GPATCH2: variants seen among roughly 807,000 people sequenced by gnomAD.
GPATCH2 encodes the protein G-patch domain containing 2, also known as G patch domain-containing protein 2.
GPATCH2 carries 51 observed loss-of-function variants against 58.0 expected under a neutral mutation model. The observed-to-expected ratio is 0.88, with a 90% confidence interval of 0.70 to 1.11. The LOEUF (loss-of-function observed/expected upper bound fraction) is 1.11, where lower values mean the gene tolerates loss of function less well. Ranked by LOEUF, GPATCH2 falls within the 50% of genes most tolerant of loss-of-function variation. The pLI is 0.00. For synonymous variants in GPATCH2, 222 were observed against 218.5 expected (o/e 1.02, Z -0.14); for missense variants, 625 against 652.2 (o/e 0.96, Z 0.45).
At chr1:217,491,419 A>C (rs753235020) in intron 8 of GPATCH2, 20 of 172,822 alleles carry the variant, frequency 1.2e-4, no homozygotes, top group Non-Finnish European at 2.2e-4. Flanking sequence ...ATTAGTGTAA[A>C]TGCTGATCTA....
chr1:217,578,230 C>T (rs1666903030), intron 5 of GPATCH2, among the ~76,000 whole-genome samples: 1 of 151,702 alleles, frequency 6.6e-6, no homozygotes. Flanking sequence ...ATATTTCTGC[C>T]ACTTTTTAAA....
At chr1:217,488,022 G>C (rs1303029215) in intron 8 of GPATCH2, among the ~76,000 whole-genome samples, 2 of 151,894 alleles carry the variant, frequency 1.3e-5, no homozygotes, top group Non-Finnish European at 2.9e-5. Flanking sequence ...TTACAGGCGT[G>C]AGCCACCGCA....
intron 5 of GPATCH2, among the ~76,000 whole-genome samples, chr1:217,594,733 T>C (rs546015976): frequency 6.6e-6 from 1 of 152,318 alleles, no homozygotes; most frequent in East Asian, 1.9e-4. Flanking sequence ...TATGTCCTCC[T>C]AAATGAAATC....
chr1:217,564,665 T>C (rs1666123777), intron 5 of GPATCH2, among the ~76,000 whole-genome samples: 1 of 152,192 alleles, frequency 6.6e-6, no homozygotes, highest in African/African-American at 2.4e-5. Flanking sequence ...TGTATGTGTG[T>C]TGAACAACCA....
At chr1:217,452,304 T>G (rs1336567682) in intron 8 of GPATCH2, among the ~76,000 whole-genome samples, 1 of 152,158 alleles carries the variant, frequency 6.6e-6, no homozygotes, top group Non-Finnish European at 1.5e-5. Context: ...TAAATATCAA[T>G]AAAAATTTTA....
At chr1:217,495,041 A>T in intron 7 of GPATCH2, 1 of 590,234 alleles carries the variant, frequency 1.7e-6, no homozygotes, top group Non-Finnish European at 2.1e-6. Context: ...TGCTGGACTT[A>T]GGCCAAACGA....
intron 5 of GPATCH2, among the ~76,000 whole-genome samples, chr1:217,542,355 G>A (rs1664789699): frequency 6.6e-6 from 1 of 152,188 alleles, no homozygotes; most frequent in Non-Finnish European, 1.5e-5. Context: ...GCCATTCACA[G>A]CACCCCATGC....
At chr1:217,487,720 C>G (rs917689029) in intron 8 of GPATCH2, among the ~76,000 whole-genome samples, 1 of 151,882 alleles carries the variant, frequency 6.6e-6, no homozygotes, top group Non-Finnish European at 1.5e-5. Flanking sequence ...CCACTGCACC[C>G]GGCCAGAAGT....
intron 9 of GPATCH2, among the ~76,000 whole-genome samples, chr1:217,445,805 C>G (rs765106843): frequency 6.6e-6 from 1 of 152,064 alleles, no homozygotes; most frequent in Non-Finnish European, 1.5e-5. Flanking sequence ...GTTAGTCTAG[C>G]GCTTTCTAAA....
chr1:217,456,710 C>CA (rs1452440320), intron 8 of GPATCH2, among the ~76,000 whole-genome samples: 1 of 151,894 alleles, frequency 6.6e-6, no homozygotes, highest in Non-Finnish European at 1.5e-5. Context: ...GAGGGTTACC[C>CA]AAAAAAATAG....
At chr1:217,436,361 T>A (rs1186363550) in intron 9 of GPATCH2, among the ~76,000 whole-genome samples, 1 of 152,174 alleles carries the variant, frequency 6.6e-6, no homozygotes, top group African/African-American at 2.4e-5. Context: ...TACTCTTCAT[T>A]CAAAAAGGAA....
At chr1:217,568,148 C>T (rs138070603) in intron 5 of GPATCH2, among the ~76,000 whole-genome samples, 10 of 151,998 alleles carry the variant, frequency 6.6e-5, no homozygotes, top group African/African-American at 2.4e-4. Flanking sequence ...ACAAAAAAAC[C>T]CCAACATTAT....
At chr1:217,520,020 A>C (rs1389372097) in intron 5 of GPATCH2, among the ~76,000 whole-genome samples, 1 of 152,172 alleles carries the variant, frequency 6.6e-6, no homozygotes, top group Admixed American at 6.5e-5. Flanking sequence ...AATATAATTC[A>C]CGTAATAATT....
chr1:217,575,803 A>G (rs1268030223), intron 5 of GPATCH2, among the ~76,000 whole-genome samples: 1 of 152,174 alleles, frequency 6.6e-6, no homozygotes, highest in Non-Finnish European at 1.5e-5. Flanking sequence ...TTAAGTCCCT[A>G]TAAAAGTTCA....
rs138364968 is a variant in GPATCH2, at chr1:217,494,352, G to C, written c.1207-2602C>G. On this transcript the variant is annotated intron_variant, in intron 7 of 9. Coordinates refer to ENST00000366935, the MANE Select transcript of GPATCH2 (RefSeq NM_018040.5). ...AAAACTACAGAGATCTCTGGGTCATGAATCACAAGTTAATATGTGAGCTTA... is the reference window on the plus strand; with the variant it reads ...AAAACTACAGAGATCTCTGGGTCATCAATCACAAGTTAATATGTGAGCTTA... Among the ~76,000 whole-genome samples, 1,345 of 152,298 alleles carry C rather than the reference G, an allele frequency of 8.8e-3. 15 individuals are homozygous for C. The highest frequency in any genetic ancestry group is 0.031 in the African/African-American group (1,272 of 41,546).
In GPATCH2 at chr1:217,601,864, G is replaced by A. The variant is rs1021736596; in HGVS notation, c.1098+8457C>T. 3.4e-4 allele frequency among the ~76,000 whole-genome samples: 51 copies of A among 152,016 alleles called. 1 individual carries two copies. The highest frequency in any genetic ancestry group is 3.3e-4 in the Admixed American group (5 of 15,234). ...TTTATTTTTATTCATTAAAATGTAA[G>A]CTTCAAGAGATCGTATCTAACTTGT... is the stretch of plus-strand genomic sequence containing the variant. On this transcript the variant is annotated intron_variant, in intron 5 of 9. Coordinates refer to ENST00000366935, the MANE Select transcript of GPATCH2 (RefSeq NM_018040.5).
At chr1:217,531,294 G>C (rs1421657246) in intron 5 of GPATCH2, among the ~76,000 whole-genome samples, 1 of 152,040 alleles carries the variant, frequency 6.6e-6, no homozygotes, top group Non-Finnish European at 1.5e-5. Flanking sequence ...ATTTACTATT[G>C]TATTGCCACC....
At chr1:217,602,582 A>G (rs1043329519) in intron 5 of GPATCH2, among the ~76,000 whole-genome samples, 1 of 152,204 alleles carries the variant, frequency 6.6e-6, no homozygotes, top group Non-Finnish European at 1.5e-5. Context: ...GGTTGGAGAG[A>G]TAATGAGGGA....
intron 6 of GPATCH2, among the ~76,000 whole-genome samples, chr1:217,505,243 AT>A (rs1558440882): frequency 6.6e-6 from 1 of 152,208 alleles, no homozygotes; most frequent in East Asian, 1.9e-4. Flanking sequence ...GTGGCATATT[AT>A]TTCATTTAAT....
Sources: gnomAD v4.1 joint callset for allele counts (sites outside exome capture counted in the v4.1 genomes callset) on GRCh38, gnomAD v4.1.1 for gene constraint, MANE v1.5 for transcripts, NCBI Gene and HGNC (gene_info 2026-07-23, HGNC 2026-07-21) for gene names.